EMSY: variants seen among roughly 807,000 people sequenced by gnomAD.
The protein encoded by EMSY is BRCA2-interacting transcriptional repressor EMSY.
Under a neutral mutation model 134.6 loss-of-function variants are expected in EMSY, and 26 were observed. The ratio of observed to expected loss-of-function variants is 0.19; its 90% CI spans 0.14 to 0.27. The LOEUF is 0.27. Ranked by LOEUF, EMSY falls within the 10% of genes least tolerant of loss-of-function variation. EMSY has a pLI of 1.00. For synonymous variants in EMSY, 579 were observed against 577.8 expected (o/e 1.00, Z -0.03); for missense variants, 1,305 against 1,611.4 (o/e 0.81, Z 3.26).
At chr11:76,535,853 T>C in intron 14 of EMSY, 42 bp from the exon 16 acceptor site, 1 of 1,355,770 alleles carries the variant, frequency 7.4e-7, no homozygotes, top group Non-Finnish European at 9.7e-7. Flanking sequence ...TAAGAGAAAC[T>C]TTGTTTATAG....
intron 14 of EMSY, among the ~76,000 whole-genome samples, chr11:76,530,487 G>A (rs1384151499): frequency 2.0e-5 from 3 of 152,180 alleles, no homozygotes; most frequent in African/African-American, 7.2e-5. Context: ...TTCTAAGAAT[G>A]GGACATAAGT....
chr11:76,446,803 G>A (rs937649255), intron 1 of EMSY, 97 bp from the exon 2 acceptor site: 43 of 682,030 alleles, frequency 6.3e-5, no homozygotes, highest in Middle Eastern at 2.6e-4. Context: ...TATCTTTTTG[G>A]TTTACTTCTT....
exon 21 of EMSY, chr11:76,550,400 T>A (rs144964299): frequency 1.4e-5 from 4 of 285,536 alleles, no homozygotes; most frequent in Admixed American, 5.1e-5. Flanking sequence ...TAAGACCTGG[T>A]CTTCTTTCTC....
intron 17 of EMSY, among the ~76,000 whole-genome samples, chr11:76,540,315 A>G (rs1347194008): frequency 6.6e-6 from 1 of 152,100 alleles, no homozygotes; most frequent in East Asian, 1.9e-4. Flanking sequence ...TTTTAATATT[A>G]TTATAATTTG....
At chr11:76,494,658 CCTTCCTTCCTTCCTT>C (rs1949560049) in intron 8 of EMSY, among the ~76,000 whole-genome samples, 3 of 1,652 alleles carry the variant, frequency 1.8e-3, no homozygotes, top group South Asian at 0.036. Flanking sequence ...TCCCTTCCTT[CCTTCCTTCCTTCCTT>C]CCTTCCTTCC....
chr11:76,452,312 G>C (rs1418485822), intron 3 of EMSY, among the ~76,000 whole-genome samples: 1 of 152,212 alleles, frequency 6.6e-6, no homozygotes, highest in Non-Finnish European at 1.5e-5. Flanking sequence ...AGTGGCATTT[G>C]TTGGAGGGAA....
In EMSY at chr11:76,464,009, C is replaced by T. The variant is rs774395345; in HGVS notation, c.760C>T (p.Pro254Ser). 8 of 1,614,042 alleles carry T rather than the reference C, an allele frequency of 5.0e-6. No individual in the cohort carries two copies. The African/African-American group carries it at 9.3e-5, about 19-fold the overall frequency. Residue 254 changes from proline to serine, a missense_variant, in exon 7 of 21, where the codon CCC (proline) becomes TCC (serine). Pro to Ser is a moderately conservative substitution (Grantham distance 74). Coordinates refer to ENST00000334736, the Ensembl canonical transcript of EMSY. ...GCAGAGCATTGCCAACTCCTTACCA[C>T]CCCACATGTCTCCTGTAAAAATAAC...
At chr11:76,472,765 C>A in exon 8 of EMSY, 1 of 1,614,174 alleles carries the variant, frequency 6.2e-7, no homozygotes, top group Non-Finnish European at 8.5e-7. Flanking sequence ...TACACCATCA[C>A]CTATTCCTAA....
chr11:76,521,061 C>T (rs895512697), intron 11 of EMSY, among the ~76,000 whole-genome samples: 1 of 151,982 alleles, frequency 6.6e-6, no homozygotes, highest in Admixed American at 6.6e-5. Flanking sequence ...AAAGGAGAGG[C>T]GTATGTTAGT....
At position 76,528,478 on chromosome 11, in the gene EMSY, TTTAC is replaced by T. The variant is rs138341778; in HGVS notation, c.2194+15_2194+18del. On this transcript the variant is annotated intron_variant, in intron 14 of 20. Coordinates refer to ENST00000334736, the Ensembl canonical transcript of EMSY. Reference sequence around the variant, plus strand: ...CCAGAGTTCCCAAGGTAAGATCTATTTTACTTCTGATTTATATAAGTACTACTGA... The same window carrying T: ...CCAGAGTTCCCAAGGTAAGATCTATTTTCTGATTTATATAAGTACTACTGA... 8.6e-4 allele frequency: 1,358 copies of T among 1,579,316 alleles called. 9 individuals carry two copies. In the African/African-American group the frequency reaches 0.016, roughly 19 times the overall value.
At chr11:76,523,102 C>T in intron 11 of EMSY, 53 bp from the exon 13 acceptor site, 2 of 1,532,600 alleles carry the variant, frequency 1.3e-6, no homozygotes, top group South Asian at 1.3e-5. Context: ...ACAAAAATAA[C>T]CAAGTATCTC....
At position 76,544,842 on chromosome 11, in the gene EMSY, A is replaced by G. The variant is rs1371531596; in HGVS notation, c.3273+20A>G. The G allele has an allele frequency of 6.2e-7, 1 of 1,607,290 alleles. No individual in the cohort carries two copies. Among genetic ancestry groups the G allele is most frequent in the Non-Finnish European group, 8.5e-7 (1 of 1,174,406 alleles). On this transcript the variant is annotated intron_variant, in intron 19 of 20. Coordinates refer to ENST00000334736, the Ensembl canonical transcript of EMSY. The stretch of plus-strand genomic sequence containing the variant: ...AGCCAGGTAACGGAATATTGATAGC[A>G]TGCAAAGTTAAACTTCTCTGTTCAC...
chr11:76,542,963 T>C (rs551306122), intron 18 of EMSY, among the ~76,000 whole-genome samples: 1 of 152,318 alleles, frequency 6.6e-6, no homozygotes, highest in South Asian at 2.1e-4. Context: ...GTTGATTTTG[T>C]GTCGGATACT....
chr11:76,512,651 G>T (rs1183192946), intron 9 of EMSY, among the ~76,000 whole-genome samples: 2 of 149,066 alleles, frequency 1.3e-5, no homozygotes, highest in South Asian at 4.2e-4. Context: ...TGGGAAAAGG[G>T]TTAAAAGAAT....
intron 1 of EMSY, 89 bp from the exon 2 acceptor site, chr11:76,446,811 C>G: frequency 1.3e-6 from 1 of 756,508 alleles, no homozygotes; most frequent in Non-Finnish European, 2.2e-6. Flanking sequence ...TGGTTTACTT[C>G]TTAGCCTGTG....
intron 7 of EMSY, among the ~76,000 whole-genome samples, chr11:76,469,758 C>A (rs1365968927): frequency 6.6e-6 from 1 of 152,144 alleles, no homozygotes; most frequent in African/African-American, 2.4e-5. Flanking sequence ...TGTCCAGGGG[C>A]CTGCCATTTT....
chr11:76,500,695 A>G (rs894856707), intron 9 of EMSY, among the ~76,000 whole-genome samples: 2 of 152,250 alleles, frequency 1.3e-5, no homozygotes, highest in Non-Finnish European at 2.9e-5. Flanking sequence ...AAGAATAGAA[A>G]AAAGCCAAAC....
chr11:76,476,435 T>A (rs1948771874), intron 8 of EMSY, among the ~76,000 whole-genome samples: 1 of 152,242 alleles, frequency 6.6e-6, no homozygotes, highest in Admixed American at 6.5e-5. Flanking sequence ...TACTTTCCTT[T>A]ATTATTATTG....
chr11:76,539,864 T>C lies in EMSY; in HGVS notation c.2557+224T>C, dbSNP rs572626491. Reference sequence around the variant, plus strand: ...AGTTCTTTAAAATAATAAAAATTACTGCTTTATGGTGTTTATATGGCCCAG... The same window carrying C: ...AGTTCTTTAAAATAATAAAAATTACCGCTTTATGGTGTTTATATGGCCCAG... On this transcript the variant is annotated intron_variant, in intron 17 of 20. Coordinates refer to ENST00000334736, the Ensembl canonical transcript of EMSY. Among the ~76,000 whole-genome samples, 4 of 152,324 alleles carry C rather than the reference T, an allele frequency of 2.6e-5. No individual in the cohort carries two copies. In the South Asian group the frequency reaches 6.2e-4, roughly 24 times the overall value.
Sources: allele counts gnomAD v4.1 joint callset (sites outside exome capture counted in the v4.1 genomes callset), GRCh38; gene constraint gnomAD v4.1.1; transcripts MANE v1.5; gene names NCBI Gene and HGNC (gene_info 2026-07-23, HGNC 2026-07-21).